The following MERTK variants were observed in gnomAD, a reference collection of about 807,000 sequenced individuals.
MERTK encodes the protein MER proto-oncogene, tyrosine kinase, also known as tyrosine-protein kinase Mer.
Under a neutral mutation model 99.3 loss-of-function variants are expected in MERTK, and 69 were observed. The ratio of observed to expected loss-of-function variants is 0.70; its 90% CI spans 0.57 to 0.85. MERTK has a LOEUF of 0.85. Ranked by LOEUF, MERTK falls within the 40% of genes least tolerant of loss-of-function variation. The pLI is 0.00. For synonymous variants in MERTK, 426 were observed against 467.6 expected, an observed-to-expected ratio of 0.91 and a Z score of 1.15; for missense variants, 1,125 against 1,249.4, an observed-to-expected ratio of 0.90 and a Z score of 1.50.
chr2:111,988,162 A>G (rs1412606663), intron 8 of MERTK, among the ~76,000 whole-genome samples: 5 of 152,070 alleles, frequency 3.3e-5, no homozygotes, highest in African/African-American at 7.2e-5. Flanking sequence ...AAGCTCCCCT[A>G]ATGAGCAGAG....
chr2:111,950,812 G>A (rs1685041330), intron 4 of MERTK, among the ~76,000 whole-genome samples: 1 of 152,158 alleles, frequency 6.6e-6, no homozygotes, highest in Admixed American at 6.5e-5. Flanking sequence ...AATACCTGCT[G>A]TGATTTTGTC....
chr2:111,926,040 C>A (rs1424214105), intron 1 of MERTK, among the ~76,000 whole-genome samples: 5 of 151,792 alleles, frequency 3.3e-5, no homozygotes, highest in African/African-American at 1.2e-4. Flanking sequence ...ACCGTGTTAG[C>A]CAGGATGGTC....
intron 7 of MERTK, among the ~76,000 whole-genome samples, chr2:111,981,322 T>C (rs1028939393): frequency 1.2e-4 from 18 of 152,168 alleles, no homozygotes; most frequent in African/African-American, 3.4e-4. Context: ...ATCTGATTTT[T>C]CCCCCATTGG....
intron 12 of MERTK, chr2:112,003,447 A>G (rs190008572): frequency 1.1e-4 from 39 of 369,452 alleles, no homozygotes; most frequent in Admixed American, 3.5e-4. Context: ...AAAAGCATGT[A>G]ATTCATTGAG....
chr2:111,908,703 G>A (rs939813449), intron 1 of MERTK, among the ~76,000 whole-genome samples: 1 of 152,178 alleles, frequency 6.6e-6, no homozygotes, highest in Admixed American at 6.5e-5. Context: ...CAACCAGGTT[G>A]GGATTAGACA....
chr2:112,022,576 T>C (rs1314631512), intron 18 of MERTK, 182 bp downstream of exon 18: 1 of 928,610 alleles, frequency 1.1e-6, no homozygotes, highest in South Asian at 1.3e-5. Flanking sequence ...TGGGAGATAG[T>C]GTGTGGTATC....
chr2:111,926,872 C>T (rs1395766253), intron 1 of MERTK, among the ~76,000 whole-genome samples: 1 of 152,228 alleles, frequency 6.6e-6, no homozygotes, highest in Non-Finnish European at 1.5e-5. Context: ...CTCCTCCTAC[C>T]AAGAGCATAG....
Position 112,028,804 on chromosome 2 carries a change from A to G in MERTK, c.2940A>G (p.Ser980=). ...SHSSMLPLGS[S]LPDELLFADD... ...CGAGCATGCTGCCCTTGGGAAGCTC[A>G]TTGCCCGATGAACTTTTGTTTGCTG... Residue 980 remains serine, a synonymous_variant, in exon 19 of 19, where the codon TCA becomes TCG. Coordinates refer to ENST00000295408, the MANE Select transcript of MERTK (RefSeq NM_006343.3). 6.2e-7 allele frequency: 1 copy of G among 1,614,122 alleles called. No individual in the cohort carries two copies. Among genetic ancestry groups the G allele is most frequent in the Non-Finnish European group, 8.5e-7 (1 of 1,180,036 alleles).
intron 1 of MERTK, among the ~76,000 whole-genome samples, chr2:111,908,449 C>T (rs904366723): frequency 6.6e-6 from 1 of 152,124 alleles, no homozygotes; most frequent in African/African-American, 2.4e-5. Context: ...AGTCCCCGGT[C>T]GTTCCTCTCT....
intron 9 of MERTK, 37 bp downstream of exon 9, chr2:111,994,441 A>T: frequency 6.2e-7 from 1 of 1,613,516 alleles, no homozygotes; most frequent in South Asian, 1.1e-5. Context: ...ATAGGATGTG[A>T]TGGTCCAGGC....
At chr2:111,905,433 C>CTTTTTTTTTTTTTTTTTTTTTTTTT (rs61232340) in intron 1 of MERTK, among the ~76,000 whole-genome samples, 1 of 85,276 alleles carries the variant, frequency 1.2e-5, no homozygotes, top group Non-Finnish European at 2.0e-5. Flanking sequence ...CTACACTGTT[C>CTTTTTTTTTTTTTTTTTTTTTTTTT]TTTTTTTTTT....
At chr2:111,995,570 T>C (rs2104400144) in intron 9 of MERTK, 1 of 188,548 alleles carries the variant, frequency 5.3e-6, no homozygotes, top group Non-Finnish European at 1.1e-5. Context: ...TATTACGTTC[T>C]TGCAGCACAT....
chr2:112,019,316 T>C, intron 15 of MERTK, 97 bp from the exon 16 acceptor site: 1 of 856,578 alleles, frequency 1.2e-6, no homozygotes, highest in Non-Finnish European at 2.0e-6. Context: ...CACTACACTG[T>C]AATAAATTAA....
chr2:111,953,576 C>CT (rs1685093648), intron 4 of MERTK, among the ~76,000 whole-genome samples: 1 of 142,484 alleles, frequency 7.0e-6, no homozygotes, highest in African/African-American at 2.5e-5. Context: ...ACATTGTTCT[C>CT]TCTTTTTTTT....
At chr2:111,970,109 T>C (rs897254108) in intron 6 of MERTK, among the ~76,000 whole-genome samples, 3 of 152,128 alleles carry the variant, frequency 2.0e-5, no homozygotes, top group Non-Finnish European at 4.4e-5. Flanking sequence ...GGAATGGTCT[T>C]TTTTGTGATT....
At chr2:111,948,905 C>CCT (rs1353824176) in intron 4 of MERTK, among the ~76,000 whole-genome samples, 1 of 152,018 alleles carries the variant, frequency 6.6e-6, no homozygotes, top group African/African-American at 2.4e-5. Flanking sequence ...CTGCCCTTTC[C>CCT]CTAGGGGCTG....
At position 111,975,591 on chromosome 2, in the gene MERTK, G is replaced by A; in HGVS notation, c.1144+119G>A. 1.6e-5 allele frequency: 17 copies of A among 1,068,322 alleles called. 1 individual carries two copies. In the South Asian group the frequency reaches 2.2e-4, roughly 14 times the overall value. The allele number at this position is 1,068,322 out of a possible 1,614,324, so 66.2% of individuals were successfully genotyped here. Reference sequence around the variant, plus strand: ...TTGTTTGGACTTTGTCTCTGGAGGAGAAAATTATTGAGGCGACTGATGAAA... The same window carrying A: ...TTGTTTGGACTTTGTCTCTGGAGGAAAAAATTATTGAGGCGACTGATGAAA... On this transcript the variant is annotated intron_variant, in intron 7 of 18. Coordinates refer to ENST00000295408, the MANE Select transcript of MERTK (RefSeq NM_006343.3).
intron 4 of MERTK, among the ~76,000 whole-genome samples, chr2:111,959,811 A>G (rs1205747353): frequency 6.6e-6 from 1 of 152,190 alleles, no homozygotes; most frequent in African/African-American, 2.4e-5. Context: ...ATCCTTTTAC[A>G]GTCATAAGTT....
chr2:112,005,292 G>A (rs1412249815), intron 13 of MERTK, among the ~76,000 whole-genome samples: 7 of 152,080 alleles, frequency 4.6e-5, no homozygotes, highest in Non-Finnish European at 8.8e-5. Context: ...GGCTGGTTTC[G>A]AACTCCTAAC....
Sources: gnomAD v4.1 joint callset for allele counts (sites outside exome capture counted in the v4.1 genomes callset) on GRCh38, gnomAD v4.1.1 for gene constraint, MANE v1.5 for transcripts, NCBI Gene and HGNC (gene_info 2026-07-23, HGNC 2026-07-21) for gene names.